Variants in PCDHA12 observed in about 807,000 individuals in gnomAD.
PCDHA12 encodes protocadherin alpha-12.
A neutral mutation model predicts 60.0 loss-of-function variants in PCDHA12; 44 were observed. That is an observed-to-expected ratio of 0.73 (90% CI 0.58 to 0.94). The LOEUF is 0.94. Among genes scored for constraint, PCDHA12 ranks in the 40% least tolerant of loss-of-function variants. The pLI is 0.00. For missense variants in PCDHA12, 1,276 were observed against 1,239.7 expected, an observed-to-expected ratio of 1.03 and a Z score of -0.44; for synonymous variants, 569 against 553.0, an observed-to-expected ratio of 1.03 and a Z score of -0.40.
At position 140,912,253 on chromosome 5, in the gene PCDHA12, G is replaced by A. The variant is rs531201374; in HGVS notation, c.2367+34414G>A. Among the ~76,000 whole-genome samples the A allele has an allele frequency of 4.8e-4, 73 of 152,064 alleles. 1 individual carries two copies. The highest frequency in any genetic ancestry group is 1.5e-3 in the South Asian group (7 of 4,810). ...ACTGACTCAAATGTTAATCTCCTTTGATGACACCCTCACAGATATACCCAG... is the reference window on the plus strand; with the variant it reads ...ACTGACTCAAATGTTAATCTCCTTTAATGACACCCTCACAGATATACCCAG... On this transcript the variant is annotated intron_variant, in intron 1 of 3. Coordinates refer to ENST00000398631, the MANE Select transcript of PCDHA12 (RefSeq NM_018903.4).
At chr5:140,960,748 A>C (rs1408249489) in intron 1 of PCDHA12, among the ~76,000 whole-genome samples, 1 of 152,008 alleles carries the variant, frequency 6.6e-6, no homozygotes, top group Non-Finnish European at 1.5e-5. Flanking sequence ...TCCATGGCTA[A>C]AATCCCAAGA....
Position 141,004,229 on chromosome 5 carries a change from T to G in PCDHA12, c.2516-5398T>G, listed in dbSNP as rs368330742. On this transcript the variant is annotated intron_variant, in intron 3 of 3. Transcript: ENST00000398631. ...AGATTAGGAGGTCAGTCAGTGTTTG[T>G]CAGATCCTTAAGCTTTTGTTTTACT... Among the ~76,000 whole-genome samples, 5 of 152,250 alleles carry G rather than the reference T, an allele frequency of 3.3e-5. No individual in the cohort carries two copies. The East Asian group carries it at 7.7e-4, about 23-fold the overall frequency.
intron 1 of PCDHA12, among the ~76,000 whole-genome samples, chr5:140,960,097 T>C (rs2095526762): frequency 6.6e-6 from 1 of 152,232 alleles, no homozygotes. Context: ...AAGAAACTTG[T>C]AGTTGTGGGA....
chr5:140,884,792 G>A, intron 1 of PCDHA12: 1 of 1,312,776 alleles, frequency 7.6e-7, no homozygotes. Flanking sequence ...AGTTGTTATC[G>A]AATTTAACAA....
intron 1 of PCDHA12, chr5:140,968,724 G>C: frequency 6.2e-7 from 1 of 1,614,090 alleles, no homozygotes; most frequent in Non-Finnish European, 8.5e-7. Context: ...GATGAGAGTG[G>C]TAGCACTTTC....
chr5:140,975,630 G>A (rs182087841), intron 1 of PCDHA12, among the ~76,000 whole-genome samples: 16 of 152,316 alleles, frequency 1.1e-4, no homozygotes, highest in Admixed American at 3.3e-4. Flanking sequence ...TCCATGGTAC[G>A]AAGATAGCAT....
At chr5:141,005,868 G>T (rs1428789229) in intron 3 of PCDHA12, among the ~76,000 whole-genome samples, 1 of 152,078 alleles carries the variant, frequency 6.6e-6, no homozygotes, top group African/African-American at 2.4e-5. Flanking sequence ...GGTCGATTGA[G>T]TCCAGGAGTT....
At chr5:140,994,163 G>A (rs2097601451) in intron 3 of PCDHA12, among the ~76,000 whole-genome samples, 1 of 152,200 alleles carries the variant, frequency 6.6e-6, no homozygotes, top group African/African-American at 2.4e-5. Flanking sequence ...CAACGAAGGG[G>A]AAGGAAGCTG....
chr5:140,886,012 T>C (rs1363937487), intron 1 of PCDHA12, among the ~76,000 whole-genome samples: 1 of 152,190 alleles, frequency 6.6e-6, no homozygotes, highest in Non-Finnish European at 1.5e-5. Context: ...TAAAGGGAGA[T>C]GCTATGTATT....
intron 1 of PCDHA12, chr5:140,968,416 G>A: frequency 1.2e-6 from 2 of 1,613,992 alleles, no homozygotes; most frequent in Non-Finnish European, 1.7e-6. Context: ...TGACTGTGGA[G>A]GCTCAGGACA....
At chr5:140,967,910 A>G (rs2096197842) in intron 1 of PCDHA12, 1 of 1,613,996 alleles carries the variant, frequency 6.2e-7, no homozygotes, top group Non-Finnish European at 8.5e-7. Flanking sequence ...TACACCCAAC[A>G]CCATTGTGGC....
intron 1 of PCDHA12, chr5:140,967,765 C>A: frequency 6.2e-7 from 1 of 1,614,234 alleles, no homozygotes; most frequent in Non-Finnish European, 8.5e-7. Context: ...CCTACCAGAT[C>A]TATGTGCAGG....
chr5:140,918,282 C>G (rs2078612020), intron 1 of PCDHA12, among the ~76,000 whole-genome samples: 1 of 152,016 alleles, frequency 6.6e-6, no homozygotes, highest in Non-Finnish European at 1.5e-5. Flanking sequence ...GATGTAGGAG[C>G]TTTTTGGCAG....
At chr5:140,880,764 G>T (rs1438457004) in intron 1 of PCDHA12, among the ~76,000 whole-genome samples, 1 of 152,198 alleles carries the variant, frequency 6.6e-6, no homozygotes, top group Non-Finnish European at 1.5e-5. Context: ...GCGTGTTGGA[G>T]GCTAAAAAGA....
chr5:141,011,749 G>T lies in PCDHA12; in HGVS notation c.*1812G>T, dbSNP rs782567787. 1.2e-4 allele frequency: 18 copies of T among 153,636 alleles called. No homozygotes were observed. Among genetic ancestry groups the T allele is most frequent in the Non-Finnish European group, 2.5e-4 (17 of 68,010 alleles). 9.5% of individuals were successfully genotyped at this position (153,636 alleles called of 1,614,324 possible). A position where few individuals can be genotyped will look rare whatever the true frequency, so the allele number is the denominator to read the frequency against. On this transcript the variant is annotated 3_prime_UTR_variant, in exon 4 of 4. Coordinates refer to ENST00000398631, the MANE Select transcript of PCDHA12 (RefSeq NM_018903.4). ...GTGCAAGCACAAATTTTACCAATCT[G>T]ACCTCTTTGAAGTTGCAGAATGCTT...
rs2055455404 is a variant in PCDHA12, at chr5:140,875,402, CT to C, written c.-70del. On this transcript the variant is annotated 5_prime_UTR_variant, in exon 1 of 4. It introduces an in-frame stop codon into an upstream open reading frame of the 5' UTR. Transcript: ENST00000398631. ...ATGTACTTACAGAAAAGGGTGACTGCTCATAAAATACCTCAGGCAAGCGATC... is the reference window on the plus strand; with the variant it reads ...ATGTACTTACAGAAAAGGGTGACTGCCATAAAATACCTCAGGCAAGCGATC... 6.7e-7 allele frequency: 1 copy of C among 1,488,754 alleles called. No individual in the cohort carries two copies. Among genetic ancestry groups the C allele is most frequent in the African/African-American group, 1.4e-5 (1 of 70,828 alleles). The allele number at this position is 1,488,754 out of a possible 1,614,324, so 92.2% of individuals were successfully genotyped here.
At chr5:140,921,856 GTA>G (rs1295273364) in intron 1 of PCDHA12, among the ~76,000 whole-genome samples, 4 of 151,824 alleles carry the variant, frequency 2.6e-5, no homozygotes, top group Non-Finnish European at 5.9e-5. Flanking sequence ...AGATGTGTGT[GTA>G]TATATACAGT....
intron 1 of PCDHA12, among the ~76,000 whole-genome samples, chr5:140,915,256 T>C (rs782716023): frequency 1.3e-5 from 2 of 152,162 alleles, no homozygotes; most frequent in Non-Finnish European, 2.9e-5. Flanking sequence ...CAGGTTGTTA[T>C]TATTTTTGAC....
intron 1 of PCDHA12, among the ~76,000 whole-genome samples, chr5:140,908,583 T>C (rs1245727862): frequency 1.3e-5 from 2 of 152,088 alleles, no homozygotes; most frequent in Admixed American, 1.3e-4. Context: ...GGAGAGTAGT[T>C]AGCTGCAGAA....
Sources: allele counts gnomAD v4.1 joint callset (sites outside exome capture counted in the v4.1 genomes callset), GRCh38; gene constraint gnomAD v4.1.1; transcripts MANE v1.5; gene names NCBI Gene and HGNC (gene_info 2026-07-23, HGNC 2026-07-21).